RAP1GAP2: variants seen among roughly 807,000 people sequenced by gnomAD.
RAP1GAP2 encodes the protein rap1 GTPase-activating protein 2.
A neutral mutation model predicts 95.0 loss-of-function variants in RAP1GAP2; 27 were observed. That is an observed-to-expected ratio of 0.28 (90% CI 0.21 to 0.39). The LOEUF (loss-of-function observed/expected upper bound fraction) is 0.39. RAP1GAP2 is among the 10% of genes least tolerant of loss of function. The pLI, the probability that RAP1GAP2 is intolerant of heterozygous loss-of-function variation, is 1.00. For synonymous variants in RAP1GAP2, 373 were observed against 380.9 expected (o/e 0.98, Z 0.24); for missense variants, 771 against 970.0 (o/e 0.79, Z 2.72).
In RAP1GAP2 at chr17:3,005,322, G is replaced by A. The variant is rs1322520832; in HGVS notation, c.1201-47G>A. The A allele has an allele frequency of 1.0e-5, 16 of 1,567,130 alleles. No individual in the cohort carries two copies. Among genetic ancestry groups the A allele is most frequent in the Non-Finnish European group, 1.4e-5 (16 of 1,137,190 alleles). Reference sequence around the variant, plus strand: ...GGAGCGTGGCTCCCGTAGGGGCAGCGCTCGTCTCTTCCCTCCAGGTCCGTA... The same window carrying A: ...GGAGCGTGGCTCCCGTAGGGGCAGCACTCGTCTCTTCCCTCCAGGTCCGTA... On this transcript the variant is annotated intron_variant, in intron 14 of 24. Transcript: ENST00000254695. This position sits in a 1 kb window ranked among gnomAD's most constrained non-coding sequence, Gnocchi z 5.2.
intron 22 of RAP1GAP2, among the ~76,000 whole-genome samples, chr17:3,030,509 C>T (rs973299518): frequency 6.6e-6 from 1 of 152,140 alleles, no homozygotes; most frequent in Non-Finnish European, 1.5e-5. Context: ...AAGCTACTGA[C>T]GTGATGTCCT....
intron 1 of RAP1GAP2, among the ~76,000 whole-genome samples, chr17:2,783,247 C>G (rs2068699430): frequency 6.6e-6 from 1 of 152,094 alleles, no homozygotes; most frequent in African/African-American, 2.4e-5. Context: ...CCCAGATCAC[C>G]CCCTCTACAC....
intron 17 of RAP1GAP2, among the ~76,000 whole-genome samples, chr17:3,013,636 T>TTC (rs1231412822): frequency 7.3e-6 from 1 of 136,056 alleles, no homozygotes; most frequent in Non-Finnish European, 1.6e-5. Context: ...TCTTTTCTTT[T>TTC]TTTTTTTTTT....
chr17:2,933,112 G>A (rs998322237), intron 3 of RAP1GAP2, among the ~76,000 whole-genome samples: 17 of 152,228 alleles, frequency 1.1e-4, no homozygotes, highest in Admixed American at 3.3e-4. Context: ...CAGACAGTGG[G>A]CAGGAGAGGG....
intron 3 of RAP1GAP2, among the ~76,000 whole-genome samples, chr17:2,920,937 A>G (rs78526113): frequency 0.035 from 5,308 of 152,124 alleles, 148 homozygotes; most frequent in African/African-American, 0.075. Context: ...TGTGTCTGGG[A>G]CTTCAGAGGC....
At chr17:2,758,859 C>T (rs192696316) in intron 1 of RAP1GAP2, among the ~76,000 whole-genome samples, 16 of 152,276 alleles carry the variant, frequency 1.1e-4, no homozygotes, top group African/African-American at 2.4e-4. Flanking sequence ...GCTCAAACAA[C>T]GCCACTGAGG....
chr17:3,026,864 CT>C, intron 21 of RAP1GAP2, 79 bp from the exon 22 acceptor site: 2 of 1,494,596 alleles, frequency 1.3e-6, no homozygotes, highest in Non-Finnish European at 9.0e-7. Flanking sequence ...CTGTCCTGGG[CT>C]TTTGGGGGCT....
chr17:2,927,396 G>C (rs551964023), intron 3 of RAP1GAP2, among the ~76,000 whole-genome samples: 1 of 151,486 alleles, frequency 6.6e-6, no homozygotes, highest in Non-Finnish European at 1.5e-5. Context: ...CTCGTGATCC[G>C]CCCGCCTTGG....
intron 1 of RAP1GAP2, among the ~76,000 whole-genome samples, chr17:2,756,538 C>T (rs1027172684): frequency 6.6e-6 from 1 of 152,168 alleles, no homozygotes; most frequent in African/African-American, 2.4e-5. Flanking sequence ...CTCTGCTTGG[C>T]GGCACTTGGA....
intron 2 of RAP1GAP2, among the ~76,000 whole-genome samples, chr17:2,889,889 A>ATATATATTTTTTT (rs1408426152): frequency 6.6e-4 from 38 of 57,292 alleles, no homozygotes; most frequent in East Asian, 3.2e-3. Flanking sequence ...ATATATATAT[A>ATATATATTTTTTT]TTTTTTTTTT....
chr17:2,848,957 T>G (rs1597432049), intron 2 of RAP1GAP2, among the ~76,000 whole-genome samples: 1 of 152,210 alleles, frequency 6.6e-6, no homozygotes, highest in South Asian at 2.1e-4. Flanking sequence ...AACTGTGCTG[T>G]GGCCCAGCAG....
In RAP1GAP2 at chr17:2,991,386, G is replaced by T; in HGVS notation, c.903G>T (p.Gln301His). The change falls in exon 12 of 25, where the codon CAG (glutamine) becomes CAT (histidine). Residue 301 changes from glutamine (Q) to histidine (H), a missense_variant. Physicochemically the swap from Gln to His is conservative, Grantham distance 24. Transcript: ENST00000254695. ...TGCTGGGGGACACGATCACACTGCA[G>T]GATTTCAAAGGGTGGGTTTTAGCCA... ...LDLLGDTITL[Q>H]DFKGFRGGLD... The T allele has an allele frequency of 2.5e-6, 4 of 1,599,370 alleles. No individual in the cohort carries two copies. Among genetic ancestry groups the T allele is most frequent in the East Asian group, 2.2e-5 (1 of 44,592 alleles).
chr17:2,794,169 C>T (rs567971498), upstream of RAP1GAP2, among the ~76,000 whole-genome samples: 19 of 151,998 alleles, frequency 1.3e-4, no homozygotes, highest in East Asian at 3.3e-3. Context: ...TCCTGTGAGT[C>T]GGTTTCATTT....
intron 2 of RAP1GAP2, among the ~76,000 whole-genome samples, chr17:2,841,826 C>G (rs1374121565): frequency 6.6e-6 from 1 of 152,136 alleles, no homozygotes; most frequent in Admixed American, 6.6e-5. Flanking sequence ...CCATGGCTAC[C>G]CCAGGGACGG....
intron 2 of RAP1GAP2, among the ~76,000 whole-genome samples, chr17:2,816,323 T>C (rs903593999): frequency 1.3e-5 from 2 of 152,006 alleles, no homozygotes; most frequent in African/African-American, 4.8e-5. Flanking sequence ...TTTCTCATTT[T>C]CATCAAACCC....
intron 8 of RAP1GAP2, among the ~76,000 whole-genome samples, chr17:2,978,832 G>A (rs1391190438): frequency 1.3e-5 from 2 of 152,160 alleles, no homozygotes; most frequent in South Asian, 2.1e-4. Context: ...CTACTTGGGA[G>A]CCTAAGGCGG....
upstream of RAP1GAP2, among the ~76,000 whole-genome samples, chr17:2,791,859 T>C (rs112315795): frequency 0.011 from 1,516 of 142,742 alleles, 16 homozygotes; most frequent in African/African-American, 0.033. Context: ...TTTTCTCTCT[T>C]TTTTTTTTTT....
intron 8 of RAP1GAP2, among the ~76,000 whole-genome samples, chr17:2,972,598 CAAAAAA>C (rs35539479): frequency 2.3e-5 from 2 of 85,532 alleles, no homozygotes; most frequent in African/African-American, 5.1e-5. Context: ...AAGTCCTTCT[CAAAAAA>C]AAAAAAAAAA....
intron 1 of RAP1GAP2, among the ~76,000 whole-genome samples, chr17:2,777,983 T>G (rs531150725): frequency 0.063 from 1,645 of 25,924 alleles, 89 homozygotes; most frequent in South Asian, 0.12. Flanking sequence ...GCTGGGAGGC[T>G]GGGAGGCGGG....
Sources: gnomAD v4.1 joint callset for allele counts (sites outside exome capture counted in the v4.1 genomes callset) on GRCh38, gnomAD v4.1.1 for gene constraint, Gnocchi (gnomAD v3.1) non-coding constraint, MANE v1.5 for transcripts, NCBI Gene and HGNC (gene_info 2026-07-23, HGNC 2026-07-21) for gene names.